CSGALNACT1: variants seen among roughly 807,000 people sequenced by gnomAD.
The protein encoded by CSGALNACT1 is beta4GalNAcT-1.
CSGALNACT1 carries 52 observed loss-of-function variants against 51.0 expected under a neutral mutation model. The observed-to-expected ratio is 1.02, with a 90% CI of 0.82 to 1.29. The LOEUF (loss-of-function observed/expected upper bound fraction) is 1.29. Ranked by LOEUF, CSGALNACT1 falls within the 50% of genes most tolerant of loss-of-function variation. The pLI is 0.00. For missense variants in CSGALNACT1, 935 were observed against 679.2 expected, an observed-to-expected ratio of 1.38 and a Z score of -4.19; for synonymous variants, 341 against 254.4, an observed-to-expected ratio of 1.34 and a Z score of -3.24.
rs534455927 is a variant in CSGALNACT1 at position 19,458,169 on chromosome 8, C to A, written c.851+257G>T. Among the ~76,000 whole-genome samples, 3 of 152,330 alleles carry A rather than the reference C, an allele frequency of 2.0e-5. No homozygotes were observed. The East Asian group carries it at 5.8e-4, about 29-fold the overall frequency. On this transcript the variant is annotated intron_variant, in intron 5 of 9. Transcript: ENST00000454498. ...AGAATGAACATAACAGGCATTCAGT[C>A]ATCTTTGTAGATCCTGGTGAAAACC...
chr8:19,622,309 T>C (rs978571324), intron 1 of CSGALNACT1, among the ~76,000 whole-genome samples: 3 of 152,214 alleles, frequency 2.0e-5, no homozygotes, highest in East Asian at 3.9e-4. Flanking sequence ...TTCCAAGCAC[T>C]ATCTTTATTA....
At chr8:19,618,522 C>G (rs1179301102) in intron 1 of CSGALNACT1, among the ~76,000 whole-genome samples, 3 of 149,458 alleles carry the variant, frequency 2.0e-5, no homozygotes, top group East Asian at 4.0e-4. Context: ...CACCTATAAT[C>G]CCAGCTACTC....
At chr8:19,553,640 A>ACATATATATATATATATATATATAT (rs201836569) in intron 3 of CSGALNACT1, among the ~76,000 whole-genome samples, 1 of 117,044 alleles carries the variant, frequency 8.5e-6, no homozygotes. Flanking sequence ...TATATATATA[A>ACATATATATATATATATATATATAT]AAAAATATGT....
At chr8:19,500,809 C>T (rs758979707) in intron 4 of CSGALNACT1, among the ~76,000 whole-genome samples, 10 of 152,150 alleles carry the variant, frequency 6.6e-5, no homozygotes, top group Non-Finnish European at 1.2e-4. Context: ...CTACCTGGGG[C>T]TGGGTTATTT....
In CSGALNACT1 at chr8:19,750,952, T is replaced by C. The variant is rs572694808; in HGVS notation, c.-297+6898A>G. 4.6e-5 allele frequency among the ~76,000 whole-genome samples: 7 copies of C among 152,314 alleles called. 1 individual carries two copies. The highest frequency in any genetic ancestry group is 1.7e-4 in the African/African-American group (7 of 41,576). Reference sequence around the variant, plus strand: ...AGAGATGTTGCTCTACATTGCATTTTTGAGCTGCTAGAAAAAGCTACATAC... The same window carrying C: ...AGAGATGTTGCTCTACATTGCATTTCTGAGCTGCTAGAAAAAGCTACATAC... On this transcript the variant is annotated intron_variant, in intron 1 of 1. Coordinates refer to the CSGALNACT1 transcript ENST00000517494.
At chr8:19,578,692 C>G (rs1029154259) in intron 3 of CSGALNACT1, among the ~76,000 whole-genome samples, 11 of 152,084 alleles carry the variant, frequency 7.2e-5, no homozygotes, top group African/African-American at 2.7e-4. Context: ...CTTAAAAAGG[C>G]ACTGACCCAA....
At chr8:19,408,797 TC>T (rs2054919498) in intron 8 of CSGALNACT1, 103 bp from the exon 8 acceptor site, 1 of 998,596 alleles carries the variant, frequency 1.0e-6, no homozygotes. Context: ...GCCCATCCCA[TC>T]ACTGATAAAC....
chr8:19,634,558 A>T (rs549871895), intron 1 of CSGALNACT1, among the ~76,000 whole-genome samples: 20 of 152,314 alleles, frequency 1.3e-4, no homozygotes, highest in African/African-American at 4.6e-4. Flanking sequence ...GCTACTCAGG[A>T]GGCTGACATG....
exon 10 of CSGALNACT1, chr8:19,404,436 A>T (rs1248870356): frequency 2.2e-5 from 10 of 453,120 alleles, no homozygotes; most frequent in Non-Finnish European, 3.5e-5. Context: ...ATTTATTTTT[A>T]AAAAATAGTT....
At chr8:19,710,002 A>G (rs2062405717) in intron 1 of CSGALNACT1, among the ~76,000 whole-genome samples, 2 of 152,106 alleles carry the variant, frequency 1.3e-5, no homozygotes, top group Non-Finnish European at 2.9e-5. Flanking sequence ...TCTTACTTTC[A>G]TTTCACAGCT....
chr8:19,616,515 G>A (rs943168115), intron 1 of CSGALNACT1, among the ~76,000 whole-genome samples: 3 of 152,058 alleles, frequency 2.0e-5, no homozygotes, highest in African/African-American at 4.8e-5. Context: ...AGACATTTGC[G>A]CCCCCAAATC....
chr8:19,596,389 C>T (rs970164843), intron 2 of CSGALNACT1, among the ~76,000 whole-genome samples: 1 of 152,042 alleles, frequency 6.6e-6, no homozygotes, highest in Non-Finnish European at 1.5e-5. Context: ...TATGAACAAT[C>T]AAATCAAACC....
intron 3 of CSGALNACT1, among the ~76,000 whole-genome samples, chr8:19,519,586 A>G (rs1255066137): frequency 1.3e-5 from 2 of 152,194 alleles, no homozygotes; most frequent in African/African-American, 4.8e-5. Flanking sequence ...ACTGGTGCCG[A>G]TAGCTGTCTC....
chr8:19,504,430 A>T (rs1278442518), intron 4 of CSGALNACT1, among the ~76,000 whole-genome samples: 6 of 152,216 alleles, frequency 3.9e-5, no homozygotes, highest in Admixed American at 3.9e-4. Flanking sequence ...CCTTGAAGGT[A>T]CTTCTTTTCC....
chr8:19,742,052 G>T (rs999213991), intron 1 of CSGALNACT1, among the ~76,000 whole-genome samples: 1 of 152,186 alleles, frequency 6.6e-6, no homozygotes, highest in Non-Finnish European at 1.5e-5. Context: ...GGTAGTGCCT[G>T]CCTCACAGGG....
At chr8:19,404,684 G>A (rs1257719081) in exon 10 of CSGALNACT1, 3 of 454,202 alleles carry the variant, frequency 6.6e-6, no homozygotes, top group South Asian at 1.6e-5. Context: ...GTTTTGAAAA[G>A]AGATTGTTTG....
intron 3 of CSGALNACT1, among the ~76,000 whole-genome samples, chr8:19,536,353 A>G (rs77241581): frequency 6.6e-6 from 1 of 151,914 alleles, no homozygotes; most frequent in Admixed American, 6.6e-5. Context: ...GTTAAAAAAA[A>G]CAAATGCATC....
intron 2 of CSGALNACT1, among the ~76,000 whole-genome samples, chr8:19,593,537 G>C (rs902368878): frequency 1.3e-5 from 2 of 152,152 alleles, no homozygotes; most frequent in Admixed American, 6.5e-5. Flanking sequence ...GCCATCTGCA[G>C]GTTCTAGATG....
chr8:19,613,754 A>G (rs2052621783), intron 1 of CSGALNACT1, among the ~76,000 whole-genome samples: 1 of 152,168 alleles, frequency 6.6e-6, no homozygotes, highest in South Asian at 2.1e-4. Flanking sequence ...TCTCCAAAAG[A>G]GGTATTAGCA....
Sources: gnomAD v4.1 joint callset for allele counts (sites outside exome capture counted in the v4.1 genomes callset) on GRCh38, gnomAD v4.1.1 for gene constraint, MANE v1.5 for transcripts, NCBI Gene and HGNC (gene_info 2026-07-23, HGNC 2026-07-21) for gene names.